The following ZFYVE9 variants were observed in gnomAD, a reference collection of about 807,000 sequenced individuals.
ZFYVE9 encodes zinc finger FYVE domain-containing protein 9.
A neutral mutation model predicts 126.7 loss-of-function variants in ZFYVE9; 43 were observed. The observed-to-expected ratio is 0.34, with a 90% CI of 0.27 to 0.44. ZFYVE9 has a LOEUF of 0.44. Among genes scored for constraint, ZFYVE9 ranks in the 20% least tolerant of loss-of-function variants. The probability of loss-of-function intolerance (pLI) is 1.00; values close to 1 mark genes in which losing one functional copy is unlikely to be tolerated. For synonymous variants in ZFYVE9, 521 were observed against 597.4 expected (o/e 0.87, Z 1.87); for missense variants, 1,476 against 1,697.0 (o/e 0.87, Z 2.29).
At chr1:52,212,553 C>T (rs1052187211) in intron 1 of ZFYVE9, among the ~76,000 whole-genome samples, 4 of 152,112 alleles carry the variant, frequency 2.6e-5, no homozygotes, top group Non-Finnish European at 5.9e-5. Flanking sequence ...CCACTCTAGG[C>T]GAGAACTGAT....
intron 3 of ZFYVE9, among the ~76,000 whole-genome samples, chr1:52,237,018 T>G (rs1645278860): frequency 6.6e-6 from 1 of 152,200 alleles, no homozygotes; most frequent in Non-Finnish European, 1.5e-5. Context: ...TGTCCAGTTT[T>G]GGCAAATGGG....
intron 10 of ZFYVE9, among the ~76,000 whole-genome samples, chr1:52,289,758 G>A (rs1425629373): frequency 6.6e-6 from 1 of 152,144 alleles, no homozygotes; most frequent in Non-Finnish European, 1.5e-5. Flanking sequence ...GTCTAATTCA[G>A]TTATTATTGG....
intron 1 of ZFYVE9, among the ~76,000 whole-genome samples, chr1:52,177,886 A>G (rs893682986): frequency 3.3e-5 from 5 of 152,018 alleles, no homozygotes; most frequent in African/African-American, 1.2e-4. Context: ...GGTAAAGTAG[A>G]TACTTAGACA....
chr1:52,147,997 G>A (rs1229872454), intron 1 of ZFYVE9, among the ~76,000 whole-genome samples: 2 of 151,652 alleles, frequency 1.3e-5, no homozygotes, highest in African/African-American at 4.8e-5. Flanking sequence ...TGGCTAGGCT[G>A]GTCTGGAGCT....
At position 52,237,858 on chromosome 1, in the gene ZFYVE9, T is replaced by A. The variant is rs895717236; in HGVS notation, c.441T>A (p.Asn147Lys). 1.2e-6 allele frequency: 2 copies of A among 1,614,094 alleles called. No homozygotes were observed. The highest frequency in any genetic ancestry group is 1.7e-6 in the Non-Finnish European group (2 of 1,179,978). Residue 147 changes from asparagine (N) to lysine (K), a missense_variant, in exon 4 of 19, where the codon AAT (asparagine) becomes AAA (lysine). Transcript: ENST00000287727. ...GNLACLPDEK[N>K]VLVVAVMHNC... The stretch of plus-strand genomic sequence containing the variant: ...TGGCTTGTCTGCCAGATGAGAAGAA[T>A]GTTCTTGTTGTAGCCGTCATGCATA...
At chr1:52,172,507 C>T (rs2124526584) in intron 1 of ZFYVE9, among the ~76,000 whole-genome samples, 1 of 152,216 alleles carries the variant, frequency 6.6e-6, no homozygotes, top group South Asian at 2.1e-4. Flanking sequence ...TCCTTATGAA[C>T]TTTAAAGTAG....
At chr1:52,334,315 A>G (rs1646370354) in intron 14 of ZFYVE9, among the ~76,000 whole-genome samples, 1 of 152,194 alleles carries the variant, frequency 6.6e-6, no homozygotes, top group African/African-American at 2.4e-5. Flanking sequence ...GCCATAGACA[A>G]TAAGTAAATG....
At chr1:52,198,279 C>A (rs150634873) in intron 1 of ZFYVE9, among the ~76,000 whole-genome samples, 1 of 151,652 alleles carries the variant, frequency 6.6e-6, no homozygotes, top group Non-Finnish European at 1.5e-5. Context: ...CCAACCACCA[C>A]GCTCAGAAAA....
At chr1:52,318,693 A>G (rs1243698409) in intron 13 of ZFYVE9, among the ~76,000 whole-genome samples, 1 of 152,176 alleles carries the variant, frequency 6.6e-6, no homozygotes, top group Non-Finnish European at 1.5e-5. Flanking sequence ...GGAGTCTACA[A>G]AATGGCCACT....
intron 9 of ZFYVE9, among the ~76,000 whole-genome samples, chr1:52,281,135 C>CTTTTTTTTTTTTTTTTTTTTT (rs539866378): frequency 7.3e-6 from 1 of 137,226 alleles, no homozygotes; most frequent in Non-Finnish European, 1.6e-5. Context: ...CTTTTCTTTT[C>CTTTTTTTTTTTTTTTTTTTTT]TTTTTTTTTT....
At chr1:52,246,638 C>T (rs1247423535) in intron 4 of ZFYVE9, among the ~76,000 whole-genome samples, 2 of 145,940 alleles carry the variant, frequency 1.4e-5, no homozygotes, top group African/African-American at 2.5e-5. Context: ...GTCAAGCGAT[C>T]CTCCCACCTC....
intron 4 of ZFYVE9, among the ~76,000 whole-genome samples, chr1:52,255,930 TTTCTTTTC>T (rs2147788353): frequency 8.3e-6 from 1 of 121,106 alleles, no homozygotes; most frequent in East Asian, 2.1e-4. Context: ...TTTCTTTTCT[TTTCTTTTC>T]TTTTCTTTTC....
At chr1:52,264,703 A>G (rs1265394369) in intron 5 of ZFYVE9, among the ~76,000 whole-genome samples, 1 of 152,114 alleles carries the variant, frequency 6.6e-6, no homozygotes, top group African/African-American at 2.4e-5. Flanking sequence ...GGAGGCTGGA[A>G]CTTATCTGCT....
chr1:52,255,947 T>C (rs1645507729), intron 4 of ZFYVE9, among the ~76,000 whole-genome samples: 4 of 121,372 alleles, frequency 3.3e-5, no homozygotes, highest in African/African-American at 1.7e-4. Context: ...TCTTTTCTTT[T>C]CTTTTCTTTT....
At chr1:52,223,603 A>C (rs150549221) in intron 2 of ZFYVE9, among the ~76,000 whole-genome samples, 1 of 152,130 alleles carries the variant, frequency 6.6e-6, no homozygotes, top group African/African-American at 2.4e-5. Context: ...TGGGTCCTCT[A>C]TGTCTAAACC....
chr1:52,263,762 C>A lies in ZFYVE9; in HGVS notation c.2179-11C>A, dbSNP rs55941704. ...AAATTTTGTGTGTTCTTCCCCCCCC[C>A]CCCCCCACAGGTTTTCTGTGCTTCC... On this transcript the variant is annotated splice_polypyrimidine_tract_variant and intron_variant, in intron 4 of 18. Transcript: ENST00000287727. 1.7e-4 allele frequency: 161 copies of A among 935,686 alleles called. 11 individuals are homozygous for A. The highest frequency in any genetic ancestry group is 1.4e-3 in the African/African-American group (59 of 40,776). 58.0% of individuals were successfully genotyped at this position (935,686 alleles called of 1,614,324 possible). A position where few individuals can be genotyped will look rare whatever the true frequency, so the allele number is the denominator to read the frequency against.
At chr1:52,183,526 C>T (rs373885732) in intron 1 of ZFYVE9, among the ~76,000 whole-genome samples, 10 of 152,142 alleles carry the variant, frequency 6.6e-5, no homozygotes, top group African/African-American at 2.4e-4. Flanking sequence ...TGTTTTTGAG[C>T]TGGAGTCTCA....
At chr1:52,284,856 C>G (rs1276757580) in intron 10 of ZFYVE9, among the ~76,000 whole-genome samples, 1 of 152,116 alleles carries the variant, frequency 6.6e-6, no homozygotes, top group Non-Finnish European at 1.5e-5. Context: ...TATAATACAT[C>G]TAAGCCAACT....
At chr1:52,155,073 C>G (rs546141733) in intron 1 of ZFYVE9, among the ~76,000 whole-genome samples, 10 of 152,216 alleles carry the variant, frequency 6.6e-5, no homozygotes, top group African/African-American at 2.4e-4. Context: ...CCATTCCTAT[C>G]TTATAATGGA....
Sources: gnomAD v4.1 joint callset for allele counts (sites outside exome capture counted in the v4.1 genomes callset) on GRCh38, gnomAD v4.1.1 for gene constraint, MANE v1.5 for transcripts, NCBI Gene and HGNC (gene_info 2026-07-23, HGNC 2026-07-21) for gene names.